The following HPSE2 variants were observed in gnomAD, a reference collection of about 807,000 sequenced individuals.
The protein encoded by HPSE2 is inactive heparanase-2.
A neutral mutation model predicts 60.5 loss-of-function variants in HPSE2; 38 were observed. The observed-to-expected ratio is 0.63, with a 90% CI of 0.48 to 0.82. HPSE2 has a LOEUF of 0.82. Among genes scored for constraint, HPSE2 ranks in the 40% least tolerant of loss-of-function variants. The pLI is 0.00. For missense variants in HPSE2, 713 were observed against 740.4 expected, an observed-to-expected ratio of 0.96 and a Z score of 0.43; for synonymous variants, 295 against 293.2, an observed-to-expected ratio of 1.01 and a Z score of -0.06.
the HPSE2 span, among the ~76,000 whole-genome samples, chr10:99,313,709 C>T: frequency 1.4e-5 from 2 of 140,928 alleles, no homozygotes; most frequent in African/African-American, 5.2e-5. Context: ...AAGTGATTCT[C>T]CTGCCTCAGC....
At chr10:98,893,466 A>G (rs545983308) in intron 3 of HPSE2, among the ~76,000 whole-genome samples, 1 of 152,336 alleles carries the variant, frequency 6.6e-6, no homozygotes, top group Admixed American at 6.5e-5. Context: ...ATAAAAGAGT[A>G]TGCATTCTGT....
chr10:98,532,572 A>G (rs1278533113), intron 9 of HPSE2, among the ~76,000 whole-genome samples: 1 of 152,218 alleles, frequency 6.6e-6, no homozygotes, highest in African/African-American at 2.4e-5. Context: ...ACACTCAATA[A>G]TATTAGCTCT....
At chr10:98,906,638 G>A (rs1391630422) in intron 3 of HPSE2, among the ~76,000 whole-genome samples, 4 of 152,222 alleles carry the variant, frequency 2.6e-5, no homozygotes, top group Non-Finnish European at 1.5e-5. Flanking sequence ...GGGTGCAGTG[G>A]CTCACGCCTG....
At chr10:98,915,047 C>T (rs572534942) in intron 3 of HPSE2, among the ~76,000 whole-genome samples, 1 of 151,270 alleles carries the variant, frequency 6.6e-6, no homozygotes, top group South Asian at 2.1e-4. Flanking sequence ...AAATCATTGA[C>T]TGCTTTTGTC....
At chr10:98,954,262 G>A (rs1021562062) in intron 3 of HPSE2, among the ~76,000 whole-genome samples, 2 of 151,790 alleles carry the variant, frequency 1.3e-5, no homozygotes, top group Non-Finnish European at 1.5e-5. Context: ...AGCAGAGATC[G>A]CACCACTGTA....
At position 99,132,161 on chromosome 10, in the gene HPSE2, G is replaced by GA. The variant is rs1564832388; in HGVS notation, c.610+12076dup. 8.1e-4 allele frequency among the ~76,000 whole-genome samples: 4 copies of GA among 4,926 alleles called. 1 individual carries two copies. The highest frequency in any genetic ancestry group is 4.2e-3 in the Non-Finnish European group (4 of 952). 3.2% of individuals were successfully genotyped at this position (4,926 alleles called of 152,430 possible). A position where few individuals can be genotyped will look rare whatever the true frequency, so the allele number is the denominator to read the frequency against. On this transcript the variant is annotated intron_variant, in intron 3 of 11. Transcript: ENST00000370552. ...AGAAAGAAAGGAAGAAAGAAAGAAA[G>GA]AAAGAAAGAAAGAAAGAAAGAAAGA...
At chr10:99,122,261 T>C (rs191174766) in intron 3 of HPSE2, among the ~76,000 whole-genome samples, 1 of 152,138 alleles carries the variant, frequency 6.6e-6, no homozygotes, top group East Asian at 1.9e-4. Context: ...TTCAGATAGT[T>C]ATGTACATTA....
chr10:99,156,079 A>T (rs1189076641), intron 2 of HPSE2, among the ~76,000 whole-genome samples: 1 of 148,486 alleles, frequency 6.7e-6, no homozygotes, highest in Non-Finnish European at 1.5e-5. Context: ...ATAGACCAAT[A>T]ACAGGATCTG....
At chr10:98,637,746 G>A (rs1946533922) in intron 7 of HPSE2, among the ~76,000 whole-genome samples, 2 of 152,240 alleles carry the variant, frequency 1.3e-5, no homozygotes, top group Non-Finnish European at 2.9e-5. Flanking sequence ...ACCACTGTGG[G>A]CCTAATGGGG....
intron 9 of HPSE2, among the ~76,000 whole-genome samples, chr10:98,578,020 T>C (rs908383054): frequency 1.3e-5 from 2 of 152,224 alleles, no homozygotes; most frequent in Admixed American, 6.5e-5. Context: ...TGTTTCTATC[T>C]GTCCTTGACA....
At chr10:98,798,502 A>G (rs1240969868) in intron 3 of HPSE2, among the ~76,000 whole-genome samples, 1 of 152,244 alleles carries the variant, frequency 6.6e-6, no homozygotes, top group Non-Finnish European at 1.5e-5. Flanking sequence ...ATCAATCAGA[A>G]ACAATAACTA....
At chr10:99,215,772 GGAGT>G (rs1353660837) in intron 2 of HPSE2, among the ~76,000 whole-genome samples, 2 of 152,192 alleles carry the variant, frequency 1.3e-5, no homozygotes, top group Non-Finnish European at 2.9e-5. Flanking sequence ...AAACGGCCAC[GGAGT>G]GAGAGTTTTC....
intron 3 of HPSE2, among the ~76,000 whole-genome samples, chr10:98,996,208 A>G (rs994717708): frequency 1.3e-5 from 2 of 152,184 alleles, no homozygotes; most frequent in Non-Finnish European, 2.9e-5. Flanking sequence ...TTAATATAAA[A>G]TGTTAATATT....
chr10:98,974,506 T>G (rs1342132), intron 3 of HPSE2, among the ~76,000 whole-genome samples: 4,745 of 152,134 alleles, frequency 0.031, 134 homozygotes, highest in East Asian at 0.086. Context: ...GACCTCGTGA[T>G]CCACCCGCCT....
intron 9 of HPSE2, among the ~76,000 whole-genome samples, chr10:98,505,730 A>G (rs1026303941): frequency 6.6e-6 from 1 of 152,122 alleles, no homozygotes; most frequent in East Asian, 1.9e-4. Context: ...ATATAATTTC[A>G]TATTTTTCCG....
chr10:99,244,605 C>G, the HPSE2 span, among the ~76,000 whole-genome samples: 2 of 109,118 alleles, frequency 1.8e-5, no homozygotes, highest in Admixed American at 2.6e-4. Context: ...GAGGCAGGGT[C>G]TCACCATGTT....
chr10:99,264,720 C>T, the HPSE2 span, among the ~76,000 whole-genome samples: 3 of 152,020 alleles, frequency 2.0e-5, no homozygotes, highest in African/African-American at 7.3e-5. Context: ...TTGTGTCTTC[C>T]GTTTAGTTTC....
chr10:99,036,047 C>CA (rs1365872649), intron 3 of HPSE2, among the ~76,000 whole-genome samples: 16 of 149,960 alleles, frequency 1.1e-4, no homozygotes, highest in East Asian at 2.0e-4. Context: ...CCTGTTCCTA[C>CA]AAAAAAAAAA....
At chr10:98,647,107 A>C (rs942744827) in intron 6 of HPSE2, among the ~76,000 whole-genome samples, 2 of 152,156 alleles carry the variant, frequency 1.3e-5, no homozygotes, top group African/African-American at 2.4e-5. Flanking sequence ...TCTTACTCTT[A>C]TTTTAATTTC....
Sources: gnomAD v4.1 joint callset for allele counts (sites outside exome capture counted in the v4.1 genomes callset) on GRCh38, gnomAD v4.1.1 for gene constraint, MANE v1.5 for transcripts, NCBI Gene and HGNC (gene_info 2026-07-23, HGNC 2026-07-21) for gene names.